The following TSPAN13 variants were observed in gnomAD, a reference collection of about 807,000 sequenced individuals.
TSPAN13 encodes the protein tetraspanin-13.
In TSPAN13, 18 loss-of-function variants were observed where a neutral mutation model predicts 26.9. The ratio of observed to expected loss-of-function variants is 0.67; its 90% CI spans 0.46 to 0.99. The LOEUF is 0.99. Among genes scored for constraint, TSPAN13 ranks in the 50% least tolerant of loss-of-function variants. TSPAN13 has a pLI of 0.00. For missense variants in TSPAN13, 201 were observed against 249.6 expected (o/e 0.81, Z 1.31); for synonymous variants, 116 against 98.4 (o/e 1.18, Z -1.06).
chr7:16,757,385 G>C (rs1784491273), intron 1 of TSPAN13, among the ~76,000 whole-genome samples: 1 of 152,118 alleles, frequency 6.6e-6, no homozygotes, highest in African/African-American at 2.4e-5. Context: ...TTAGTGATTT[G>C]TGGGAAATTT....
intron 5 of TSPAN13, among the ~76,000 whole-genome samples, chr7:16,780,706 A>G (rs1292667859): frequency 6.6e-6 from 1 of 152,124 alleles, no homozygotes; most frequent in Non-Finnish European, 1.5e-5. Flanking sequence ...TATATCTGGA[A>G]TTTATTTTGA....
intron 1 of TSPAN13, among the ~76,000 whole-genome samples, chr7:16,762,925 T>C (rs1333026972): frequency 1.3e-5 from 2 of 152,178 alleles, no homozygotes; most frequent in Non-Finnish European, 2.9e-5. Context: ...ACTTAAAGTA[T>C]AACATTTTAT....
At chr7:16,772,085 T>G (rs1784686024) in intron 1 of TSPAN13, among the ~76,000 whole-genome samples, 1 of 152,206 alleles carries the variant, frequency 6.6e-6, no homozygotes, top group Non-Finnish European at 1.5e-5. Flanking sequence ...CATTAATAGA[T>G]TCTCATTATT....
intron 1 of TSPAN13, among the ~76,000 whole-genome samples, chr7:16,774,267 G>T (rs558791054): frequency 7.2e-5 from 11 of 152,264 alleles, no homozygotes; most frequent in Admixed American, 7.2e-4. Context: ...TCACTCAATA[G>T]ATAGATAGAT....
In TSPAN13 at chr7:16,753,981, G is replaced by T. The variant is rs200364974; in HGVS notation, c.14G>T (p.Gly5Val). MVCG[G>V]FACSKNCLCA... ...ACAGGTTCCAAGATGGTTTGCGGGG[G>T]CTTCGCGTGTTCCAAGAACTGCCTG... The change falls in exon 1 of 6, where the codon GGC (glycine) becomes GTC (valine). Residue 5 changes from glycine (G) to valine (V), a missense_variant. Transcript: ENST00000262067. 5 of 1,613,426 alleles carry T rather than the reference G, an allele frequency of 3.1e-6. No individual in the cohort carries two copies. Among genetic ancestry groups the T allele is most frequent in the Non-Finnish European group, 4.2e-6 (5 of 1,179,662 alleles).
At chr7:16,756,283 G>A (rs1784480419) in intron 1 of TSPAN13, among the ~76,000 whole-genome samples, 1 of 152,204 alleles carries the variant, frequency 6.6e-6, no homozygotes, top group Non-Finnish European at 1.5e-5. Context: ...TATAAGTCAT[G>A]AATAGAAACA....
intron 1 of TSPAN13, among the ~76,000 whole-genome samples, chr7:16,758,810 G>A (rs574941806): frequency 2.0e-5 from 3 of 149,956 alleles, no homozygotes; most frequent in East Asian, 3.9e-4. Flanking sequence ...TTCCTCTACC[G>A]TTTCTCTTGA....
chr7:16,755,725 G>A (rs1263056682), intron 1 of TSPAN13, among the ~76,000 whole-genome samples: 2 of 151,406 alleles, frequency 1.3e-5, no homozygotes, highest in Non-Finnish European at 2.9e-5. Context: ...TTCACTGAAG[G>A]GTCTATATCA....
intron 1 of TSPAN13, among the ~76,000 whole-genome samples, chr7:16,771,123 T>C (rs978964216): frequency 5.3e-5 from 8 of 152,228 alleles, no homozygotes; most frequent in Non-Finnish European, 1.0e-4. Context: ...CCCCACCTGC[T>C]CATGGGACCC....
chr7:16,775,304 A>G (rs1050533215), intron 1 of TSPAN13, among the ~76,000 whole-genome samples: 11 of 152,204 alleles, frequency 7.2e-5, no homozygotes, highest in African/African-American at 2.2e-4. Flanking sequence ...AAGTAATATC[A>G]TTTTGACTTT....
At chr7:16,760,553 A>G (rs1251221693) in intron 1 of TSPAN13, among the ~76,000 whole-genome samples, 2 of 152,194 alleles carry the variant, frequency 1.3e-5, no homozygotes, top group Non-Finnish European at 2.9e-5. Context: ...TGGAAATGTC[A>G]GGTAGCACTT....
intron 1 of TSPAN13, among the ~76,000 whole-genome samples, chr7:16,764,986 T>C (rs550745129): frequency 6.6e-6 from 1 of 151,852 alleles, no homozygotes; most frequent in East Asian, 2.0e-4. Flanking sequence ...GTCTCCAAAC[T>C]CCTGGGCTCA....
At chr7:16,775,059 A>G (rs1003388493) in intron 1 of TSPAN13, among the ~76,000 whole-genome samples, 12 of 152,224 alleles carry the variant, frequency 7.9e-5, no homozygotes, top group African/African-American at 2.9e-4. Context: ...AGCAAAGTTT[A>G]TCAGGCTTTT....
intron 5 of TSPAN13, among the ~76,000 whole-genome samples, chr7:16,782,982 AT>A (rs1227415146): frequency 6.6e-6 from 1 of 151,790 alleles, no homozygotes; most frequent in Non-Finnish European, 1.5e-5. Context: ...TTCTCTTTCT[AT>A]TTCCCTTTAC....
chr7:16,781,859 AC>A (rs1784817002), intron 5 of TSPAN13, among the ~76,000 whole-genome samples: 1 of 152,180 alleles, frequency 6.6e-6, no homozygotes, highest in African/African-American at 2.4e-5. Context: ...TTGTTTAACT[AC>A]AGATATGTAA....
At chr7:16,755,740 A>G (rs1341082629) in intron 1 of TSPAN13, among the ~76,000 whole-genome samples, 1 of 152,090 alleles carries the variant, frequency 6.6e-6, no homozygotes. Flanking sequence ...ATATCAATGT[A>G]TAATCTTTTT....
intron 1 of TSPAN13, among the ~76,000 whole-genome samples, chr7:16,765,708 A>G (rs538334211): frequency 5.3e-5 from 8 of 152,352 alleles, no homozygotes; most frequent in Non-Finnish European, 8.8e-5. Context: ...ATTACCAGCA[A>G]TGAATTAACA....
At chr7:16,782,821 T>C (rs1784827996) in intron 5 of TSPAN13, among the ~76,000 whole-genome samples, 2 of 152,240 alleles carry the variant, frequency 1.3e-5, no homozygotes, top group Admixed American at 6.5e-5. Flanking sequence ...ATATTTCTGC[T>C]GTAACAGGTT....
At chr7:16,776,001 A>G (rs574897021) in intron 1 of TSPAN13, 1 of 431,172 alleles carries the variant, frequency 2.3e-6, no homozygotes, top group African/African-American at 2.0e-5. Context: ...CTTTTGCAAG[A>G]ATAAAGCACG....
Sources: gnomAD v4.1 joint callset for allele counts (sites outside exome capture counted in the v4.1 genomes callset) on GRCh38, gnomAD v4.1.1 for gene constraint, MANE v1.5 for transcripts, NCBI Gene and HGNC (gene_info 2026-07-23, HGNC 2026-07-21) for gene names.